The following HERC4 variants were observed in gnomAD, a reference collection of about 807,000 sequenced individuals.
HERC4 encodes the protein HECT and RLD domain containing E3 ubiquitin protein ligase 4, also known as probable E3 ubiquitin-protein ligase HERC4.
Under a neutral mutation model 124.3 loss-of-function variants are expected in HERC4, and 28 were observed. The ratio of observed to expected loss-of-function variants is 0.23; its 90% CI spans 0.17 to 0.31. The LOEUF (loss-of-function observed/expected upper bound fraction) is 0.31, where lower values mean the gene tolerates loss of function less well. Ranked by LOEUF, HERC4 falls within the 10% of genes least tolerant of loss-of-function variation. HERC4 has a pLI of 1.00. For missense variants in HERC4, 713 were observed against 1,229.3 expected, an observed-to-expected ratio of 0.58 and a Z score of 6.28; for synonymous variants, 407 against 421.5, an observed-to-expected ratio of 0.97 and a Z score of 0.42.
At chr10:67,946,389 ACACACAC>A (rs2033351082) in intron 19 of HERC4, among the ~76,000 whole-genome samples, 1 of 145,640 alleles carries the variant, frequency 6.9e-6, no homozygotes, top group Admixed American at 6.8e-5. Context: ...ACACACACAC[ACACACAC>A]AAGACCCAAT....
chr10:68,010,471 G>A lies in HERC4; in HGVS notation c.1069+3555C>T, dbSNP rs975626609. 35 of 932,242 alleles carry A rather than the reference G, an allele frequency of 3.8e-5. No homozygotes were observed. The African/African-American group carries it at 4.7e-4, about 13-fold the overall frequency. The allele number at this position is 932,242 out of a possible 1,614,324, so 57.7% of individuals were successfully genotyped here. On this transcript the variant is annotated intron_variant, in intron 9 of 24. Transcript: ENST00000373700. ...TGGCGCCAATTACAGAACCACACTC[G>A]GATCACATCCTTCTAGAGCCCAAGC...
chr10:67,926,126 G>A (rs1171455270), intron 23 of HERC4, among the ~76,000 whole-genome samples: 1 of 152,190 alleles, frequency 6.6e-6, no homozygotes, highest in East Asian at 1.9e-4. Context: ...CGGGCGCGGT[G>A]GCTCACGCCT....
chr10:67,967,058 G>T lies in HERC4; in HGVS notation c.1807-256C>A, dbSNP rs2034920027. On this transcript the variant is annotated intron_variant, in intron 15 of 24. Transcript: ENST00000373700. ...TTTAGTAGAGACGGAGTTTCATCGT[G>T]TTAGCCAGGATGGTCTCGATCTCCT... is the stretch of plus-strand genomic sequence containing the variant. 2.6e-5 allele frequency among the ~76,000 whole-genome samples: 4 copies of T among 152,262 alleles called. No homozygotes were observed. In the South Asian group the frequency reaches 8.3e-4, roughly 32 times the overall value.
chr10:68,063,632 T>C (rs2041147355), intron 3 of HERC4, among the ~76,000 whole-genome samples: 1 of 152,218 alleles, frequency 6.6e-6, no homozygotes, highest in African/African-American at 2.4e-5. Flanking sequence ...GATGTTCTTT[T>C]TCCTAAATAA....
intron 16 of HERC4, among the ~76,000 whole-genome samples, chr10:67,960,393 T>A (rs746439422): frequency 1.3e-5 from 2 of 151,294 alleles, no homozygotes; most frequent in Non-Finnish European, 2.9e-5. Context: ...AGCCTAAAAT[T>A]TTTTTTTTTG....
intron 9 of HERC4, among the ~76,000 whole-genome samples, chr10:68,001,589 C>T (rs190442894): frequency 3.2e-4 from 48 of 152,250 alleles, no homozygotes; most frequent in Admixed American, 7.9e-4. Context: ...ATAAAATATA[C>T]ATAAAATTTA....
At chr10:67,969,728 T>A (rs2132486121) in intron 15 of HERC4, among the ~76,000 whole-genome samples, 1 of 151,980 alleles carries the variant, frequency 6.6e-6, no homozygotes, top group Non-Finnish European at 1.5e-5. Context: ...GGACTAGAGG[T>A]CTGCAATTGC....
chr10:67,983,959 T>C (rs1235206578), intron 15 of HERC4, among the ~76,000 whole-genome samples: 3 of 151,418 alleles, frequency 2.0e-5, no homozygotes, highest in Admixed American at 6.6e-5. Flanking sequence ...CAAGATTCCA[T>C]CTCAAAAAAA....
At chr10:67,995,285 C>T (rs763834892) in intron 9 of HERC4, 5 of 455,502 alleles carry the variant, frequency 1.1e-5, no homozygotes, top group South Asian at 7.8e-5. Context: ...GGCATTGATG[C>T]TCATTCACTG....
intron 18 of HERC4, 44 bp from the exon 19 acceptor site, chr10:67,954,782 G>C (rs1372168959): frequency 6.3e-7 from 1 of 1,577,396 alleles, no homozygotes; most frequent in Admixed American, 1.7e-5. Flanking sequence ...GTAAAGAAAT[G>C]AAAGTACATT....
chr10:68,005,673 C>T (rs2037499372), intron 9 of HERC4, among the ~76,000 whole-genome samples: 1 of 144,122 alleles, frequency 6.9e-6, no homozygotes. Flanking sequence ...TTTTAATTTC[C>T]TTTTTTTTTT....
At chr10:68,004,827 A>G (rs2037442340) in intron 9 of HERC4, among the ~76,000 whole-genome samples, 1 of 152,162 alleles carries the variant, frequency 6.6e-6, no homozygotes, top group African/African-American at 2.4e-5. Context: ...TCATTATTAC[A>G]AGAACAGCAT....
chr10:68,015,414 G>T (rs1187877265), intron 8 of HERC4, among the ~76,000 whole-genome samples: 1 of 152,138 alleles, frequency 6.6e-6, no homozygotes, highest in East Asian at 1.9e-4. Flanking sequence ...ATTATTTTAG[G>T]TCACTAGGTT....
At chr10:67,997,839 C>T (rs1440573604) in intron 9 of HERC4, among the ~76,000 whole-genome samples, 1 of 152,148 alleles carries the variant, frequency 6.6e-6, no homozygotes, top group African/African-American at 2.4e-5. Context: ...ATAGTCGGCC[C>T]TCTGTATCCA....
intron 7 of HERC4, among the ~76,000 whole-genome samples, chr10:68,026,914 G>A (rs780862226): frequency 2.6e-5 from 4 of 152,046 alleles, no homozygotes; most frequent in South Asian, 2.1e-4. Flanking sequence ...AGGCAGAATC[G>A]CTTGAACCCA....
intron 9 of HERC4, among the ~76,000 whole-genome samples, chr10:68,005,790 A>G (rs1314645652): frequency 1.3e-5 from 2 of 151,142 alleles, no homozygotes; most frequent in East Asian, 1.9e-4. Context: ...TGCAGCCTCA[A>G]CCTCCTGGTC....
At chr10:67,981,779 G>A (rs1443270032) in intron 15 of HERC4, among the ~76,000 whole-genome samples, 8 of 152,022 alleles carry the variant, frequency 5.3e-5, no homozygotes, top group South Asian at 2.1e-4. Flanking sequence ...TCAACATGAC[G>A]AAACCCCATC....
intron 8 of HERC4, among the ~76,000 whole-genome samples, chr10:68,020,469 C>T (rs2038543762): frequency 6.6e-6 from 1 of 151,124 alleles, no homozygotes; most frequent in Non-Finnish European, 1.5e-5. Flanking sequence ...AAAAGAAAAA[C>T]TAAAAAAAAA....
At chr10:67,980,244 CT>C (rs1188440821) in intron 15 of HERC4, among the ~76,000 whole-genome samples, 5 of 152,316 alleles carry the variant, frequency 3.3e-5, no homozygotes, top group African/African-American at 9.6e-5. Context: ...CATGATTCTC[CT>C]GTCTCAGCCT....
Sources: allele counts gnomAD v4.1 joint callset (sites outside exome capture counted in the v4.1 genomes callset), GRCh38; gene constraint gnomAD v4.1.1; transcripts MANE v1.5; gene names NCBI Gene and HGNC (gene_info 2026-07-23, HGNC 2026-07-21).